The following ATP6V1B1 variants were observed in gnomAD, a reference collection of about 807,000 sequenced individuals.
The protein encoded by ATP6V1B1 is V-type proton ATPase subunit B, kidney isoform.
A neutral mutation model predicts 62.1 loss-of-function variants in ATP6V1B1; 41 were observed. That is an observed-to-expected ratio of 0.66 (90% CI 0.51 to 0.86). The LOEUF (loss-of-function observed/expected upper bound fraction) is 0.86. ATP6V1B1 is among the 40% of genes least tolerant of loss of function. The pLI is 0.00. For missense variants in ATP6V1B1, 651 were observed against 697.5 expected, an observed-to-expected ratio of 0.93 and a Z score of 0.75; for synonymous variants, 253 against 273.4, an observed-to-expected ratio of 0.93 and a Z score of 0.74.
At chr2:70,961,738 C>A (rs1244182519) in intron 8 of ATP6V1B1, 45 bp downstream of exon 8, 1 of 1,569,050 alleles carries the variant, frequency 6.4e-7, no homozygotes, top group Non-Finnish European at 8.8e-7. Context: ...TGGGCAGACC[C>A]CGTCCCCTTC....
chr2:70,945,905 T>A (rs13000315), intron 2 of ATP6V1B1, among the ~76,000 whole-genome samples: 3,870 of 151,730 alleles, frequency 0.026, 49 homozygotes, highest in Non-Finnish European at 0.038. Context: ...CACCTTCTCC[T>A]GGATGCCTCT....
chr2:70,960,612 C>G (rs1179726650), intron 6 of ATP6V1B1, among the ~76,000 whole-genome samples: 1 of 152,196 alleles, frequency 6.6e-6, no homozygotes, highest in South Asian at 2.1e-4. Flanking sequence ...ACTCTGTGTC[C>G]AAATAGCGCC....
Position 70,965,044 on chromosome 2 carries a change from A to G in ATP6V1B1, c.1465A>G (p.Ile489Val), listed in dbSNP as rs782062768. ...CTTCCCCAAGGAGATGCTGAAGCGC[A>G]TTCCGCAGGCCGTGATCGACGAGTT... Reference protein sequence around the residue: ...RIFPKEMLKRIPQAVIDEFYS... With the variant: ...RIFPKEMLKRVPQAVIDEFYS... The change falls in exon 14 of 14, where the codon ATT (isoleucine) becomes GTT (valine). Residue 489 changes from isoleucine to valine, a missense_variant. Ile to Val is a conservative substitution (Grantham distance 29). Transcript: ENST00000234396. The G allele has an allele frequency of 6.2e-7, 1 of 1,613,572 alleles. No individual in the cohort carries two copies. Among genetic ancestry groups the G allele is most frequent in the Middle Eastern group, 1.7e-4 (1 of 6,060 alleles).
At chr2:70,936,611 G>A (rs1469602783) in intron 1 of ATP6V1B1, among the ~76,000 whole-genome samples, 2 of 152,124 alleles carry the variant, frequency 1.3e-5, no homozygotes, top group Non-Finnish European at 2.9e-5. Flanking sequence ...AAGCAGGTAG[G>A]AGCATGTGCC....
At chr2:70,942,859 G>C (rs1461307328) in intron 1 of ATP6V1B1, among the ~76,000 whole-genome samples, 7 of 152,206 alleles carry the variant, frequency 4.6e-5, no homozygotes, top group Non-Finnish European at 1.0e-4. Context: ...TCAGGACTAT[G>C]GGCAAGGGAC....
Position 70,965,008 on chromosome 2 carries a change from C to G in ATP6V1B1, c.1429C>G (p.Leu477Val). The G allele has an allele frequency of 6.2e-7, 1 of 1,613,908 alleles. No homozygotes were observed. The highest frequency in any genetic ancestry group is 8.5e-7 in the Non-Finnish European group (1 of 1,180,048). The part of the protein sequence containing the change: ...VFESLDLGWK[L>V]LRIFPKEMLK... ...CGAGTCGCTGGACCTGGGCTGGAAG[C>G]TGCTGCGCATCTTCCCCAAGGAGAT... The change falls in exon 14 of 14, where the codon CTG becomes GTG. Residue 477 changes from leucine to valine, a missense_variant. By Grantham distance (32) the Leu-to-Val change is conservative. Transcript: ENST00000234396.
At chr2:70,964,114 AT>A (rs66905923) in intron 11 of ATP6V1B1, 4,217 of 126,462 alleles carry the variant, frequency 0.033, 22 homozygotes, top group Middle Eastern at 0.05. Flanking sequence ...CTTGGCAGGT[AT>A]TTTTTTTTTT....
Position 70,962,758 on chromosome 2 carries a change from C to G in ATP6V1B1, c.786-19C>G. On this transcript the variant is annotated intron_variant, in intron 8 of 13. Transcript: ENST00000234396. ...AGCCCAGGCCTCCAGGCTCTCTAAA[C>G]ACCTGGCTACACCTCCAGGATCGAG... 1.2e-6 allele frequency: 2 copies of G among 1,613,114 alleles called. No individual in the cohort carries two copies.
At chr2:70,940,652 A>G (rs998013789) in intron 1 of ATP6V1B1, 2 of 985,204 alleles carry the variant, frequency 2.0e-6, no homozygotes, top group Non-Finnish European at 2.4e-6. Flanking sequence ...CCTATGCCCA[A>G]CAGCCCCTTA....
chr2:70,964,114 A>ATTTTT (rs66905923), intron 11 of ATP6V1B1: 5,612 of 126,694 alleles, frequency 0.044, 691 homozygotes, highest in South Asian at 0.075. Context: ...CTTGGCAGGT[A>ATTTTT]TTTTTTTTTT....
intron 1 of ATP6V1B1, chr2:70,941,165 A>T (rs983260770): frequency 2.8e-6 from 2 of 722,452 alleles, no homozygotes; most frequent in South Asian, 1.2e-4. Context: ...TGATCCACCC[A>T]CCTCAGCCTC....
rs1425710146 is a variant in ATP6V1B1, at chr2:70,938,649, T to A, written c.118+2577T>A. On this transcript the variant is annotated intron_variant, in intron 1 of 13. Coordinates refer to ENST00000234396, the MANE Select transcript of ATP6V1B1 (RefSeq NM_001692.4). ...AAAGAGTGGAGGCAGCCTGGGGAGC[T>A]GACCCTGCCAACATCTACCTTGGGA... 9.1e-6 allele frequency: 9 copies of A among 985,184 alleles called. No homozygotes were observed. In the African/African-American group the frequency reaches 1.6e-4, roughly 17 times the overall value. The allele number at this position is 985,184 out of a possible 1,614,324, so 61.0% of individuals were successfully genotyped here. A position where few individuals can be genotyped will look rare whatever the true frequency, so the allele number is the denominator to read the frequency against.
intron 1 of ATP6V1B1, among the ~76,000 whole-genome samples, chr2:70,942,604 C>A (rs1474110573): frequency 2.6e-5 from 4 of 152,212 alleles, no homozygotes; most frequent in African/African-American, 7.2e-5. Flanking sequence ...GCAAGAAGCA[C>A]AGGGTGGGTT....
intron 4 of ATP6V1B1, 127 bp from the exon 5 acceptor site, chr2:70,958,891 C>T (rs957420045): frequency 1.0e-5 from 9 of 887,902 alleles, no homozygotes; most frequent in African/African-American, 3.3e-5. Flanking sequence ...TGTGGGCTGC[C>T]GGGGAGGGGG....
At chr2:70,936,099 T>C (rs575906084) in intron 1 of ATP6V1B1, 27 bp downstream of exon 1, 2 of 1,605,566 alleles carry the variant, frequency 1.2e-6, no homozygotes, top group Non-Finnish European at 1.7e-6. Flanking sequence ...CCGTGACGGG[T>C]GAGGTCAGGG....
chr2:70,957,783 C>T (rs1023305509), intron 2 of ATP6V1B1: 3 of 496,790 alleles, frequency 6.0e-6, no homozygotes, highest in East Asian at 3.8e-5. Context: ...TTACTGAAAT[C>T]GTAAAGTAAC....
Position 70,943,705 on chromosome 2 carries a change from C to G in ATP6V1B1, c.166C>G (p.Arg56Gly), listed in dbSNP as rs781824659. The G allele has an allele frequency of 6.8e-6, 11 of 1,613,618 alleles. No individual in the cohort carries two copies. Among genetic ancestry groups the G allele is most frequent in the Middle Eastern group, 1.7e-4 (1 of 6,016 alleles). The part of the protein sequence containing the change: ...SVNGPLVVLD[R>G]VKFAQYAEIV... ...GAACGGGCCCCTGGTGGTGCTGGAC[C>G]GGGTCAAGGTAAGACTCTTCTGCTG... Residue 56 changes from arginine to glycine, a missense_variant, in exon 2 of 14, where the codon CGG (arginine) becomes GGG (glycine). By Grantham distance (125) the Arg-to-Gly change is moderately radical. Coordinates refer to ENST00000234396, the MANE Select transcript of ATP6V1B1 (RefSeq NM_001692.4).
intron 1 of ATP6V1B1, among the ~76,000 whole-genome samples, chr2:70,938,047 C>A (rs1049667440): frequency 2.0e-5 from 3 of 152,236 alleles, no homozygotes; most frequent in African/African-American, 7.2e-5. Flanking sequence ...CAGGGGAGCC[C>A]CTCTAGGCTC....
chr2:70,957,832 AGCTGT>A, intron 2 of ATP6V1B1: 1 of 581,416 alleles, frequency 1.7e-6, no homozygotes, highest in Non-Finnish European at 3.1e-6. Flanking sequence ...TCAGAGTTTC[AGCTGT>A]AACCTGGTCT....
Sources: allele counts gnomAD v4.1 joint callset (sites outside exome capture counted in the v4.1 genomes callset), GRCh38; gene constraint gnomAD v4.1.1; transcripts MANE v1.5; gene names NCBI Gene and HGNC (gene_info 2026-07-23, HGNC 2026-07-21).